ERC1: variants seen among roughly 807,000 people sequenced by gnomAD.
ERC1 encodes ELKS/RAB6-interacting/CAST family member 1.
ERC1 carries 56 observed loss-of-function variants against 132.0 expected under a neutral mutation model. The observed-to-expected ratio is 0.42, with a 90% CI of 0.34 to 0.53. The LOEUF (loss-of-function observed/expected upper bound fraction) is 0.53, where lower values mean the gene tolerates loss of function less well. Among genes scored for constraint, ERC1 ranks in the 20% least tolerant of loss-of-function variants. The pLI, the probability that ERC1 is intolerant of heterozygous loss-of-function variation, is 0.03. For synonymous variants in ERC1, 478 were observed against 476.1 expected (o/e 1.00, Z -0.05); for missense variants, 1,202 against 1,349.9 (o/e 0.89, Z 1.72).
intron 12 of ERC1, among the ~76,000 whole-genome samples, chr12:1,191,817 C>T (rs557620106): frequency 1.3e-5 from 2 of 150,488 alleles, no homozygotes; most frequent in South Asian, 2.1e-4. Context: ...ATTATAATTT[C>T]GTTTTAGGAT....
chr12:1,067,967 T>TG (rs1305041340), intron 2 of ERC1, among the ~76,000 whole-genome samples: 2 of 148,892 alleles, frequency 1.3e-5, no homozygotes, highest in Non-Finnish European at 3.0e-5. Context: ...AGAGTCGCTC[T>TG]GTCGCCCAGG....
intron 7 of ERC1, among the ~76,000 whole-genome samples, chr12:1,124,947 C>A (rs1021299130): frequency 3.3e-5 from 5 of 151,630 alleles, no homozygotes; most frequent in Admixed American, 3.3e-4. Context: ...TTTTCCCTCC[C>A]AAATCCTAAG....
intron 12 of ERC1, among the ~76,000 whole-genome samples, chr12:1,224,700 G>A: frequency 6.6e-6 from 1 of 152,060 alleles, no homozygotes; most frequent in East Asian, 1.9e-4. Flanking sequence ...AAAAAAATAG[G>A]CTGGGCGCTG....
chr12:1,410,370 G>A, intron 17 of ERC1: 1 of 1,274,058 alleles, frequency 7.8e-7, no homozygotes, highest in Non-Finnish European at 1.0e-6. Context: ...TTGCCCCCTT[G>A]TCATCTCTCT....
intron 16 of ERC1, among the ~76,000 whole-genome samples, chr12:1,378,696 T>G (rs1281993799): frequency 6.6e-6 from 1 of 152,236 alleles, no homozygotes; most frequent in Non-Finnish European, 1.5e-5. Context: ...TATTAACTAC[T>G]TTCTACAGCA....
At chr12:1,248,895 A>T (rs1038601410) in intron 13 of ERC1, among the ~76,000 whole-genome samples, 11 of 152,170 alleles carry the variant, frequency 7.2e-5, no homozygotes, top group African/African-American at 2.6e-4. Flanking sequence ...TTTAAAAAAA[A>T]ATTTTTGGAG....
At chr12:1,070,029 G>A (rs1940034879) in intron 2 of ERC1, among the ~76,000 whole-genome samples, 1 of 152,196 alleles carries the variant, frequency 6.6e-6, no homozygotes, top group African/African-American at 2.4e-5. Context: ...CATCATTTAT[G>A]TGAATTGTTA....
At chr12:1,300,171 A>T (rs1443580001) in intron 15 of ERC1, among the ~76,000 whole-genome samples, 2 of 152,200 alleles carry the variant, frequency 1.3e-5, no homozygotes, top group Non-Finnish European at 1.5e-5. Flanking sequence ...GTACACCTAC[A>T]ACTATCTGCT....
rs369525259 is a variant in ERC1, at chr12:1,440,412, T to G, written c.3025-4150T>G. ...TAGTAGAGACGGGGTTTCACCGTGT[T>G]AGCCAGGATGGTCTCGATCTCCTGA... On this transcript the variant is annotated intron_variant, in intron 17 of 18. Coordinates refer to ENST00000360905, the MANE Select transcript of ERC1 (RefSeq NM_178040.4). Among the ~76,000 whole-genome samples, 21 of 151,088 alleles carry G rather than the reference T, an allele frequency of 1.4e-4. No homozygotes were observed. The East Asian group carries it at 3.3e-3, about 24-fold the overall frequency.
At chr12:1,475,599 C>T (rs60227368) in intron 18 of ERC1, among the ~76,000 whole-genome samples, 2,965 of 152,188 alleles carry the variant, frequency 0.019, 87 homozygotes, top group African/African-American at 0.067. Flanking sequence ...AAAGCAAAGA[C>T]AGGGAATGGC....
At chr12:1,031,798 A>G (rs1968091755) in intron 2 of ERC1, among the ~76,000 whole-genome samples, 1 of 152,166 alleles carries the variant, frequency 6.6e-6, no homozygotes, top group East Asian at 1.9e-4. Context: ...AAAGAAAGAA[A>G]AAAAGCTAAA....
chr12:1,341,293 C>T (rs1261475741), intron 15 of ERC1, among the ~76,000 whole-genome samples: 3 of 151,378 alleles, frequency 2.0e-5, no homozygotes, highest in Non-Finnish European at 2.9e-5. Flanking sequence ...GACAGGGTTT[C>T]GCCATGTTCA....
intron 15 of ERC1, among the ~76,000 whole-genome samples, chr12:1,350,045 C>T (rs1002490544): frequency 6.6e-6 from 1 of 152,164 alleles, no homozygotes; most frequent in Non-Finnish European, 1.5e-5. Flanking sequence ...CCAAAAGGGG[C>T]TCCTCCTGGT....
At chr12:1,347,985 GAA>G (rs1174805567) in intron 15 of ERC1, among the ~76,000 whole-genome samples, 2 of 149,604 alleles carry the variant, frequency 1.3e-5, no homozygotes, top group African/African-American at 4.9e-5. Context: ...TCGGTCTCAA[GAA>G]AAAAAAAATT....
At chr12:1,479,256 G>C (rs958635438) in intron 18 of ERC1, among the ~76,000 whole-genome samples, 2 of 152,142 alleles carry the variant, frequency 1.3e-5, no homozygotes, top group Non-Finnish European at 2.9e-5. Flanking sequence ...CGTCTTGGCT[G>C]TTCTGGGCTC....
intron 7 of ERC1, 34 bp from the exon 8 acceptor site, chr12:1,141,586 T>C (rs1208186640): frequency 6.5e-7 from 1 of 1,550,174 alleles, no homozygotes; most frequent in African/African-American, 1.4e-5. Flanking sequence ...CTTTTCTTTT[T>C]AATTCATCAC....
intron 8 of ERC1, among the ~76,000 whole-genome samples, chr12:1,175,997 A>G (rs1176981842): frequency 3.3e-5 from 5 of 152,154 alleles, no homozygotes; most frequent in Non-Finnish European, 7.3e-5. Flanking sequence ...AACTTCTCCC[A>G]ATCTCCTGTT....
At chr12:997,092 A>G (rs1961085605) in intron 1 of ERC1, among the ~76,000 whole-genome samples, 2 of 152,200 alleles carry the variant, frequency 1.3e-5, no homozygotes, top group Non-Finnish European at 2.9e-5. Flanking sequence ...CTAATTAAAA[A>G]AAATTTGTAG....
chr12:1,175,439 A>T (rs1398077541), intron 8 of ERC1, among the ~76,000 whole-genome samples: 1 of 149,002 alleles, frequency 6.7e-6, no homozygotes, highest in Non-Finnish European at 1.5e-5. Context: ...TGTTCACATC[A>T]TCTTCACCAA....
Sources: gnomAD v4.1 joint callset for allele counts (sites outside exome capture counted in the v4.1 genomes callset) on GRCh38, gnomAD v4.1.1 for gene constraint, MANE v1.5 for transcripts, NCBI Gene and HGNC (gene_info 2026-07-23, HGNC 2026-07-21) for gene names.